The following TRHDE variants were observed in gnomAD, a reference collection of about 807,000 sequenced individuals.
TRHDE encodes the protein thyrotropin-releasing hormone-degrading ectoenzyme.
Under a neutral mutation model 125.7 loss-of-function variants are expected in TRHDE, and 72 were observed. That is an observed-to-expected ratio of 0.57 (90% CI 0.47 to 0.70). The LOEUF is 0.70. Among genes scored for constraint, TRHDE ranks in the 30% least tolerant of loss-of-function variants. TRHDE has a pLI of 0.00. For missense variants in TRHDE, 1,110 were observed against 1,327.1 expected, an observed-to-expected ratio of 0.84 and a Z score of 2.54; for synonymous variants, 509 against 509.1, an observed-to-expected ratio of 1.00 and a Z score of 0.00.
At chr12:72,477,851 G>A (rs1340622481) in intron 5 of TRHDE, among the ~76,000 whole-genome samples, 3 of 152,142 alleles carry the variant, frequency 2.0e-5, no homozygotes, top group East Asian at 1.9e-4. Flanking sequence ...ATTATAATTT[G>A]TGTTGTCTAT....
intron 10 of TRHDE, among the ~76,000 whole-genome samples, chr12:72,573,029 T>G (rs1870821502): frequency 6.6e-6 from 1 of 151,968 alleles, no homozygotes; most frequent in African/African-American, 2.4e-5. Context: ...TAGATAAAAT[T>G]TATCAACTTA....
intron 3 of TRHDE, among the ~76,000 whole-genome samples, chr12:72,452,365 A>G (rs1471780616): frequency 1.3e-5 from 2 of 152,014 alleles, no homozygotes; most frequent in Non-Finnish European, 2.9e-5. Flanking sequence ...GGTTTTCAAT[A>G]TGTAAGATTG....
intron 2 of TRHDE, among the ~76,000 whole-genome samples, chr12:72,288,171 C>A (rs753179164): frequency 3.9e-5 from 6 of 151,980 alleles, no homozygotes; most frequent in South Asian, 2.1e-4. Flanking sequence ...CATCCAGTAA[C>A]CTTTGTATTC....
At chr12:72,659,752 A>C (rs1433413756) in intron 18 of TRHDE, among the ~76,000 whole-genome samples, 1 of 152,206 alleles carries the variant, frequency 6.6e-6, no homozygotes, top group East Asian at 1.9e-4. Context: ...TATTTTATAA[A>C]AGTGCCTAAA....
chr12:72,331,520 C>A (rs542932518), intron 2 of TRHDE, among the ~76,000 whole-genome samples: 2 of 66,354 alleles, frequency 3.0e-5, no homozygotes, highest in South Asian at 1.1e-3. Flanking sequence ...TGTCACTTTG[C>A]TCTACTTCCA....
Position 72,103,274 on chromosome 12 carries a change from C to T in TRHDE, n.175-2374C>T, listed in dbSNP as rs748345609. Among the ~76,000 whole-genome samples the T allele has an allele frequency of 5.3e-5, 8 of 152,016 alleles. No individual in the cohort carries two copies. In the East Asian group the frequency reaches 5.8e-4, roughly 11 times the overall value. ...TTTGCCAAGCTAGCTATGTTAGATC[C>T]GATATTTAGGACATTGTATCCTAAG... is the stretch of plus-strand genomic sequence containing the variant. On this transcript the variant is annotated intron_variant and non_coding_transcript_variant, in intron 1 of 4. Coordinates refer to the TRHDE transcript ENST00000548156.
At chr12:72,619,182 T>C (rs892021436) in intron 13 of TRHDE, 144 bp downstream of exon 13, 4 of 538,698 alleles carry the variant, frequency 7.4e-6, no homozygotes, top group East Asian at 3.5e-5. Context: ...TGATTGTCTA[T>C]GCAACACAGA....
chr12:72,603,399 A>C (rs1872285872), intron 12 of TRHDE, among the ~76,000 whole-genome samples: 1 of 151,986 alleles, frequency 6.6e-6, no homozygotes, highest in Admixed American at 6.6e-5. Flanking sequence ...AGAAGTGTGA[A>C]GATATAGGCA....
chr12:72,334,748 A>G (rs1463513963), intron 2 of TRHDE, among the ~76,000 whole-genome samples: 1 of 152,214 alleles, frequency 6.6e-6, no homozygotes, highest in Admixed American at 6.5e-5. Flanking sequence ...AGTTCATCAG[A>G]TGGAAGGCAC....
intron 2 of TRHDE, among the ~76,000 whole-genome samples, chr12:72,318,110 A>T (rs1371921728): frequency 6.6e-6 from 1 of 152,190 alleles, no homozygotes; most frequent in Non-Finnish European, 1.5e-5. Flanking sequence ...TTAATTGTTT[A>T]TGTTGGATTT....
intron 2 of TRHDE, among the ~76,000 whole-genome samples, chr12:72,344,925 A>G (rs549603659): frequency 2.0e-5 from 3 of 152,208 alleles, no homozygotes; most frequent in Admixed American, 6.5e-5. Context: ...AAAGAGGTTC[A>G]TGTTGGCCTT....
At chr12:72,613,325 A>G (rs1028799399) in intron 12 of TRHDE, among the ~76,000 whole-genome samples, 2 of 152,140 alleles carry the variant, frequency 1.3e-5, no homozygotes, top group Non-Finnish European at 2.9e-5. Flanking sequence ...CTTATCTTCT[A>G]TATGTGTTAT....
intron 3 of TRHDE, among the ~76,000 whole-genome samples, chr12:72,397,837 T>C (rs1872864729): frequency 6.6e-6 from 1 of 152,104 alleles, no homozygotes; most frequent in Non-Finnish European, 1.5e-5. Context: ...AATTTATTTA[T>C]TTATTATTAT....
chr12:72,573,693 T>A (rs1446636197), intron 10 of TRHDE, among the ~76,000 whole-genome samples: 1 of 151,946 alleles, frequency 6.6e-6, no homozygotes, highest in Non-Finnish European at 1.5e-5. Context: ...TAATTCTTTT[T>A]CCAGTGCCAT....
intron 3 of TRHDE, among the ~76,000 whole-genome samples, chr12:72,408,508 G>C (rs1029155080): frequency 4.6e-5 from 7 of 152,040 alleles, no homozygotes; most frequent in African/African-American, 1.7e-4. Context: ...GGCACTCACT[G>C]GCAATAATAA....
chr12:72,295,522 T>G (rs963202085), intron 2 of TRHDE, among the ~76,000 whole-genome samples: 15 of 152,200 alleles, frequency 9.9e-5, no homozygotes, highest in African/African-American at 3.4e-4. Context: ...ACATACTGTT[T>G]AATTTTATTG....
At chr12:72,469,713 G>T (rs774487601) in intron 3 of TRHDE, 45 bp from the exon 4 acceptor site, 2 of 1,576,396 alleles carry the variant, frequency 1.3e-6, no homozygotes, top group Admixed American at 1.8e-5. Context: ...TTCAGAATCT[G>T]GTGTCTTTGT....
intron 5 of TRHDE, among the ~76,000 whole-genome samples, chr12:72,475,967 AATGCAGT>A (rs1179948208): frequency 2.0e-5 from 3 of 152,008 alleles, no homozygotes; most frequent in African/African-American, 7.3e-5. Flanking sequence ...CCCAGGCTGG[AATGCAGT>A]GGCACGATCT....
rs1491273028 is a variant in TRHDE at position 72,667,784 on chromosome 12, A to ATTAT, written c.*4590_*4591insTATT. The ATTAT allele has an allele frequency of 1.3e-5, 2 of 151,752 alleles. No homozygotes were observed. Among genetic ancestry groups the ATTAT allele is most frequent in the Non-Finnish European group, 3.0e-5 (2 of 67,766 alleles). 9.4% of individuals were successfully genotyped at this position (151,752 alleles called of 1,614,324 possible). The stretch of plus-strand genomic sequence containing the variant: ...TACATTTTGAAATTATAATAAAATA[A>ATTAT]TAGAGTTTAAACTCTAATAATTGGA... On this transcript the variant is annotated 3_prime_UTR_variant, in exon 19 of 19. Coordinates refer to ENST00000261180, the MANE Select transcript of TRHDE (RefSeq NM_013381.3).
Sources: allele counts gnomAD v4.1 joint callset (sites outside exome capture counted in the v4.1 genomes callset), GRCh38; gene constraint gnomAD v4.1.1; transcripts MANE v1.5; gene names NCBI Gene and HGNC (gene_info 2026-07-23, HGNC 2026-07-21).